The following KIF2A variants were observed in gnomAD, a reference collection of about 807,000 sequenced individuals.
The protein encoded by KIF2A is kinesin family member 2A.
KIF2A carries 22 observed loss-of-function variants against 100.2 expected under a neutral mutation model. The ratio of observed to expected loss-of-function variants is 0.22; its 90% CI spans 0.16 to 0.31. The LOEUF (loss-of-function observed/expected upper bound fraction) is 0.31, where lower values mean the gene tolerates loss of function less well. KIF2A is among the 10% of genes least tolerant of loss of function. The pLI is 1.00. For missense variants in KIF2A, 495 were observed against 898.7 expected (o/e 0.55, Z 5.74); for synonymous variants, 268 against 285.9 (o/e 0.94, Z 0.63).
At chr5:62,378,053 T>C (rs1365681209) in intron 19 of KIF2A, among the ~76,000 whole-genome samples, 1 of 152,218 alleles carries the variant, frequency 6.6e-6, no homozygotes, top group Non-Finnish European at 1.5e-5. Context: ...CCACCAGTAC[T>C]TCCTTCTAAA....
intron 1 of KIF2A, among the ~76,000 whole-genome samples, chr5:62,312,527 T>C (rs1207868232): frequency 1.3e-5 from 2 of 149,186 alleles, no homozygotes; most frequent in Non-Finnish European, 2.9e-5. Flanking sequence ...AATTTTAAGG[T>C]GTTTGTTTAT....
At chr5:62,366,935 A>G (rs2111969506) in intron 16 of KIF2A, among the ~76,000 whole-genome samples, 1 of 152,316 alleles carries the variant, frequency 6.6e-6, no homozygotes, top group Non-Finnish European at 1.5e-5. Flanking sequence ...AGATGACAAT[A>G]TAGAATCATT....
intron 18 of KIF2A, among the ~76,000 whole-genome samples, chr5:62,375,304 A>G (rs1196935163): frequency 1.3e-5 from 2 of 152,220 alleles, no homozygotes; most frequent in African/African-American, 4.8e-5. Flanking sequence ...AAGTCTTATC[A>G]TGGCATTTTC....
At position 62,385,741 on chromosome 5, in the gene KIF2A, T is replaced by A. The variant is rs1342723676; in HGVS notation, c.*172T>A. The A allele has an allele frequency of 3.4e-6, 2 of 587,800 alleles. No individual in the cohort carries two copies. The highest frequency in any genetic ancestry group is 6.2e-6 in the Non-Finnish European group (2 of 324,998). 36.4% of individuals were successfully genotyped at this position (587,800 alleles called of 1,614,324 possible). On this transcript the variant is annotated 3_prime_UTR_variant, in exon 21 of 21. Transcript: ENST00000407818. ...AAACACTCTTTTGTCTACAAAATGC[T>A]TCTAGTCCAGGAGGCACAACCAAGA...
intron 1 of KIF2A, among the ~76,000 whole-genome samples, chr5:62,337,105 A>T (rs1392941956): frequency 1.3e-5 from 2 of 152,256 alleles, no homozygotes; most frequent in Non-Finnish European, 2.9e-5. Flanking sequence ...ACAAGTGCCT[A>T]CCAAATACTC....
chr5:62,355,236 A>T lies in KIF2A; in HGVS notation c.636A>T (p.Pro212=). The T allele has an allele frequency of 6.5e-7, 1 of 1,544,038 alleles. No individual in the cohort carries two copies. Among genetic ancestry groups the T allele is most frequent in the Non-Finnish European group, 8.9e-7 (1 of 1,118,634 alleles). The change falls in exon 7 of 21, where the codon CCA becomes CCT. Residue 212 remains proline (P), a synonymous_variant. Coordinates refer to ENST00000407818, the MANE Select transcript of KIF2A (RefSeq NM_001098511.3). Reference sequence around the variant, plus strand: ...TTAGAGGAAGTTTGGATTATAGACCATTAACAACAGCAGATCCTGTAAGAT... The same window carrying T: ...TTAGAGGAAGTTTGGATTATAGACCTTTAACAACAGCAGATCCTGTAAGAT... The part of the protein sequence containing the change: ...RDFRGSLDYR[P]LTTADPIDEH...
At chr5:62,347,497 G>T (rs540142933) in intron 2 of KIF2A, among the ~76,000 whole-genome samples, 10 of 152,136 alleles carry the variant, frequency 6.6e-5, no homozygotes, top group Non-Finnish European at 1.5e-4. Flanking sequence ...ATTTAATTAT[G>T]TGGTTCTATT....
intron 11 of KIF2A, among the ~76,000 whole-genome samples, chr5:62,362,031 C>CA (rs1029470528): frequency 1.3e-3 from 161 of 120,858 alleles, no homozygotes; most frequent in East Asian, 1.4e-3. Flanking sequence ...GACCCCATCT[C>CA]AAAAAAAAAA....
chr5:62,312,239 CTG>C (rs1258118391), intron 1 of KIF2A, among the ~76,000 whole-genome samples: 9 of 152,168 alleles, frequency 5.9e-5, no homozygotes, highest in African/African-American at 2.2e-4. Flanking sequence ...TTTTGAAACT[CTG>C]GGGAAAGGCT....
At chr5:62,365,417 T>G (rs1741019755) in intron 15 of KIF2A, 64 bp downstream of exon 15, 3 of 797,800 alleles carry the variant, frequency 3.8e-6, no homozygotes, top group Non-Finnish European at 6.1e-6. Flanking sequence ...ACACAATATT[T>G]ATGGAAAATG....
At chr5:62,355,821 TG>T (rs1748073759) in intron 7 of KIF2A, among the ~76,000 whole-genome samples, 1 of 149,802 alleles carries the variant, frequency 6.7e-6, no homozygotes, top group African/African-American at 2.5e-5. Flanking sequence ...TTTTTTGAGA[TG>T]GAGTCTTGCT....
intron 1 of KIF2A, among the ~76,000 whole-genome samples, chr5:62,318,782 C>G (rs1745959505): frequency 6.6e-6 from 1 of 152,162 alleles, no homozygotes; most frequent in Admixed American, 6.5e-5. Flanking sequence ...AAATGCTTCT[C>G]TTTAGCCCAC....
At chr5:62,381,709 C>T (rs570916884) in intron 20 of KIF2A, among the ~76,000 whole-genome samples, 59 of 152,298 alleles carry the variant, frequency 3.9e-4, no homozygotes, top group African/African-American at 1.2e-3. Flanking sequence ...GGACTACAGG[C>T]GCAAGCCACC....
intron 5 of KIF2A, 80 bp from the exon 6 acceptor site, chr5:62,353,195 G>A: frequency 4.6e-6 from 3 of 654,506 alleles, no homozygotes; most frequent in Non-Finnish European, 7.6e-6. Context: ...TGTGTGTGGT[G>A]AAGTTATACA....
chr5:62,360,700 T>C (rs1343996303), intron 9 of KIF2A, among the ~76,000 whole-genome samples: 1 of 151,934 alleles, frequency 6.6e-6, no homozygotes, highest in African/African-American at 2.4e-5. Context: ...AAAAAAAAAA[T>C]GTAATTCAAA....
chr5:62,370,795 T>G (rs1013106405), intron 16 of KIF2A, among the ~76,000 whole-genome samples: 2 of 152,106 alleles, frequency 1.3e-5, no homozygotes, highest in Non-Finnish European at 2.9e-5. Flanking sequence ...TTAGAGTGAT[T>G]AGGAGTTTTT....
intron 18 of KIF2A, among the ~76,000 whole-genome samples, chr5:62,374,800 G>A (rs974659507): frequency 6.6e-6 from 1 of 152,066 alleles, no homozygotes; most frequent in Non-Finnish European, 1.5e-5. Flanking sequence ...GGTGGCACAC[G>A]CCTGTAGTCC....
intron 1 of KIF2A, among the ~76,000 whole-genome samples, chr5:62,314,672 A>G (rs951551473): frequency 1.3e-5 from 2 of 150,138 alleles, no homozygotes; most frequent in Non-Finnish European, 3.0e-5. Context: ...TTTTGACCAC[A>G]TTTTACCTAA....
intron 3 of KIF2A, among the ~76,000 whole-genome samples, chr5:62,349,247 A>C (rs893184004): frequency 3.3e-5 from 5 of 151,516 alleles, no homozygotes; most frequent in African/African-American, 1.2e-4. Flanking sequence ...TTTAAAAATA[A>C]ATATTTATTT....
Sources: allele counts gnomAD v4.1 joint callset (sites outside exome capture counted in the v4.1 genomes callset), GRCh38; gene constraint gnomAD v4.1.1; transcripts MANE v1.5; gene names NCBI Gene and HGNC (gene_info 2026-07-23, HGNC 2026-07-21).